The following MYCBP2 variants were observed in gnomAD, a reference collection of about 807,000 sequenced individuals.
MYCBP2 encodes the protein MYC binding protein 2.
A neutral mutation model predicts 525.3 loss-of-function variants in MYCBP2; 120 were observed. The ratio of observed to expected loss-of-function variants is 0.23; its 90% CI spans 0.20 to 0.27. The LOEUF (loss-of-function observed/expected upper bound fraction) is 0.27. MYCBP2 is among the 10% of genes least tolerant of loss of function. The pLI is 1.00. For missense variants in MYCBP2, 4,149 were observed against 5,657.1 expected, an observed-to-expected ratio of 0.73 and a Z score of 8.55; for synonymous variants, 1,894 against 1,955.8, an observed-to-expected ratio of 0.97 and a Z score of 0.83.
intron 54 of MYCBP2, among the ~76,000 whole-genome samples, chr13:77,122,628 T>G (rs1226011611): frequency 6.8e-6 from 1 of 146,070 alleles, no homozygotes; most frequent in African/African-American, 2.6e-5. Context: ...AGGCGGAGCT[T>G]GCAGTGAGCC....
At chr13:77,264,213 C>T (rs558631523) in intron 8 of MYCBP2, among the ~76,000 whole-genome samples, 3 of 151,970 alleles carry the variant, frequency 2.0e-5, no homozygotes, top group Non-Finnish European at 2.9e-5. Flanking sequence ...ATAAATCTTC[C>T]ATAACCAAGG....
chr13:77,089,125 T>C (rs1232820356), intron 60 of MYCBP2, 94 bp from the exon 61 acceptor site: 1 of 938,686 alleles, frequency 1.1e-6, no homozygotes, highest in Non-Finnish European at 1.5e-6. Context: ...GCCTTTGTCA[T>C]TGGTTTTTTG....
rs1310710267 is a variant in MYCBP2 at position 77,068,589 on chromosome 13, T to C, written c.12147A>G (p.Thr4049=). Residue 4049 remains threonine (T), a synonymous_variant, in exon 70 of 83, where the codon ACA becomes ACG. Transcript: ENST00000544440. ...CCTGTCTCTGGACTCTAGGAGAGGC[T>C]GTGTGAAGCAGCGAGAAGAGATCCT... The part of the protein sequence containing the change: ...LLQDLFSLLH[T]ASPRVQRQVT... 3 of 1,614,036 alleles carry C rather than the reference T, an allele frequency of 1.9e-6. No homozygotes were observed. The Admixed American group carries it at 5.0e-5, about 27-fold the overall frequency.
At chr13:77,174,812 G>A (rs182284025) in intron 36 of MYCBP2, among the ~76,000 whole-genome samples, 173 of 140,630 alleles carry the variant, frequency 1.2e-3, no homozygotes, top group African/African-American at 4.4e-3. Flanking sequence ...TCAAAGTCAC[G>A]CAGCTAGTAA....
intron 11 of MYCBP2, 85 bp from the exon 12 acceptor site, chr13:77,261,460 T>C: frequency 1.0e-6 from 1 of 963,432 alleles, no homozygotes; most frequent in African/African-American, 1.7e-5. Context: ...AGGACATCAA[T>C]ATTTTATTGA....
chr13:77,109,157 C>T (rs2048358035), intron 55 of MYCBP2, among the ~76,000 whole-genome samples: 1 of 152,126 alleles, frequency 6.6e-6, no homozygotes, highest in South Asian at 2.1e-4. Flanking sequence ...TTCCTTAGTT[C>T]TCTAACACAA....
intron 52 of MYCBP2, among the ~76,000 whole-genome samples, chr13:77,128,129 A>G (rs2052026309): frequency 6.6e-6 from 1 of 151,880 alleles, no homozygotes; most frequent in Admixed American, 6.6e-5. Flanking sequence ...ATGCAAACCT[A>G]CATGAATACA....
chr13:77,136,518 T>C (rs536196534), intron 52 of MYCBP2, among the ~76,000 whole-genome samples: 1 of 152,292 alleles, frequency 6.6e-6, no homozygotes, highest in East Asian at 1.9e-4. Flanking sequence ...GCTCAGCAAC[T>C]AGTACTATAA....
chr13:77,233,037 A>G (rs1470500811), intron 18 of MYCBP2, 119 bp downstream of exon 18: 1 of 766,516 alleles, frequency 1.3e-6, no homozygotes, highest in African/African-American at 1.7e-5. Flanking sequence ...TCCTCAGGCT[A>G]CATCATGATA....
intron 79 of MYCBP2, 96 bp from the exon 80 acceptor site, chr13:77,055,863 G>C: frequency 1.2e-6 from 1 of 804,728 alleles, no homozygotes; most frequent in Non-Finnish European, 2.0e-6. Flanking sequence ...TGTGCTAGAA[G>C]ATAACCAGAC....
rs1217423104 is a variant in MYCBP2 at position 77,056,983 on chromosome 13, TA to T, written c.13437+2del. 6.3e-7 allele frequency: 1 copy of T among 1,591,908 alleles called. No homozygotes were observed. The highest frequency in any genetic ancestry group is 1.3e-5 in the African/African-American group (1 of 74,444). On this transcript the variant is annotated splice_donor_variant, in intron 79 of 82. Transcript: ENST00000544440. LOFTEE classifies it high-confidence loss of function. The stretch of plus-strand genomic sequence containing the variant: ...AGTACATGATTTCAGATTCTTTCCA[TA>T]CCTTGCAAATGGGACAAGATATAAA...
At position 77,190,349 on chromosome 13, in the gene MYCBP2, A is replaced by G; in HGVS notation, c.4071-14T>C. The G allele has an allele frequency of 6.7e-7, 1 of 1,482,190 alleles. No individual in the cohort carries two copies. Among genetic ancestry groups the G allele is most frequent in the Non-Finnish European group, 9.4e-7 (1 of 1,065,330 alleles). 91.8% of individuals were successfully genotyped at this position (1,482,190 alleles called of 1,614,324 possible). ...TGGAAAACAACCCTAAGAAGAGAAA[A>G]CAATGATACCAAAAACAACATGATC... On this transcript the variant is annotated splice_polypyrimidine_tract_variant and intron_variant, in intron 28 of 82. Transcript: ENST00000544440.
At chr13:77,187,585 CGGA>C (rs1220054250) in intron 30 of MYCBP2, among the ~76,000 whole-genome samples, 1 of 152,002 alleles carries the variant, frequency 6.6e-6, no homozygotes, top group Non-Finnish European at 1.5e-5. Flanking sequence ...GGTACGCAAA[CGGA>C]GAAGACTGAC....
intron 21 of MYCBP2, 30 bp downstream of exon 21, chr13:77,217,810 A>G: frequency 2.2e-6 from 3 of 1,382,646 alleles, no homozygotes; most frequent in Non-Finnish European, 3.1e-6. Context: ...GGTATAATGC[A>G]ATATTATTAA....
At position 77,228,691 on chromosome 13, in the gene MYCBP2, TTGTGTGTGTGTGTG is replaced by T. The variant is rs34441629; in HGVS notation, c.2738-3151_2738-3138del. ...CTGTATTTTCCCTAAGATGAATATG[TTGTGTGTGTGTGTG>T]TGTGTGTGTGTGTGTGTGTGTGTAT... On this transcript the variant is annotated intron_variant, in intron 18 of 82. Transcript: ENST00000544440. 1.2e-4 allele frequency among the ~76,000 whole-genome samples: 18 copies of T among 147,282 alleles called. 1 individual carries two copies. Among genetic ancestry groups the T allele is most frequent in the East Asian group, 4.0e-4 (2 of 4,984 alleles).
chr13:77,169,025 T>C (rs1424558187), intron 39 of MYCBP2, among the ~76,000 whole-genome samples: 1 of 152,204 alleles, frequency 6.6e-6, no homozygotes, highest in Admixed American at 6.5e-5. Flanking sequence ...ACCTCATAAA[T>C]GTGAAAAACC....
chr13:77,277,420 G>A (rs1438950868), intron 4 of MYCBP2, among the ~76,000 whole-genome samples: 2 of 152,074 alleles, frequency 1.3e-5, no homozygotes, highest in East Asian at 3.9e-4. Flanking sequence ...TGTGAGGGGG[G>A]TGGTTTTAAA....
At position 77,181,811 on chromosome 13, in the gene MYCBP2, C is replaced by T. The variant is rs748473642; in HGVS notation, c.4831G>A (p.Asp1611Asn). 6 of 1,614,092 alleles carry T rather than the reference C, an allele frequency of 3.7e-6. No homozygotes were observed. Among genetic ancestry groups the T allele is most frequent in the Non-Finnish European group, 3.4e-6 (4 of 1,180,002 alleles). The change falls in exon 33 of 83, where the codon GAT (aspartate) becomes AAT (asparagine). Residue 1611 changes from aspartate (D) to asparagine (N), a missense_variant. By Grantham distance (23) the Asp-to-Asn change is conservative (BLOSUM62 1). This residue lies in a region of MYCBP2 where 292 missense variants were observed against 330.5 expected (regional missense o/e 0.88). Coordinates refer to ENST00000544440, the MANE Select transcript of MYCBP2 (RefSeq NM_015057.5). ...ATTGATCGTAGTAATACTTCTCCAT[C>T]ATACGCAATCGGGAAGATGGAAGTC... Reference protein sequence around the residue: ...KLTSIFPIAYDGEVLLRSIVK... With the variant: ...KLTSIFPIAYNGEVLLRSIVK...
intron 1 of MYCBP2, among the ~76,000 whole-genome samples, chr13:77,313,971 C>T (rs1446548707): frequency 6.6e-6 from 1 of 151,764 alleles, no homozygotes; most frequent in Non-Finnish European, 1.5e-5. Context: ...ACACACCTAT[C>T]AGAATGGCCA....
Sources: gnomAD v4.1 joint callset for allele counts (sites outside exome capture counted in the v4.1 genomes callset) on GRCh38, gnomAD v4.1.1 for gene constraint, gnomAD v4.1.1 regional missense constraint, MANE v1.5 for transcripts, NCBI Gene and HGNC (gene_info 2026-07-23, HGNC 2026-07-21) for gene names.